The following KCNH8 variants were observed in gnomAD, a reference collection of about 807,000 sequenced individuals.
The protein encoded by KCNH8 is voltage-gated delayed rectifier potassium channel KCNH8.
A neutral mutation model predicts 103.6 loss-of-function variants in KCNH8; 70 were observed. The ratio of observed to expected loss-of-function variants is 0.68; its 90% CI spans 0.56 to 0.82. The LOEUF is 0.82. KCNH8 is among the 40% of genes least tolerant of loss of function. KCNH8 has a pLI of 0.00. For missense variants in KCNH8, 1,217 were observed against 1,329.9 expected, an observed-to-expected ratio of 0.92 and a Z score of 1.32; for synonymous variants, 498 against 489.4, an observed-to-expected ratio of 1.02 and a Z score of -0.23.
At chr3:19,415,265 A>G (rs538280609) in intron 7 of KCNH8, among the ~76,000 whole-genome samples, 3 of 152,090 alleles carry the variant, frequency 2.0e-5, no homozygotes, top group African/African-American at 7.2e-5. Context: ...TATGAGCCCA[A>G]TACTATTATT....
intron 1 of KCNH8, among the ~76,000 whole-genome samples, chr3:19,253,298 CT>C (rs1402042465): frequency 1.3e-5 from 2 of 152,022 alleles, no homozygotes; most frequent in Non-Finnish European, 2.9e-5. Context: ...TCTTGAGTAA[CT>C]TTTTCAAATT....
chr3:19,376,190 C>A (rs979748687), intron 5 of KCNH8, among the ~76,000 whole-genome samples: 30 of 152,332 alleles, frequency 2.0e-4, no homozygotes, highest in African/African-American at 5.3e-4. Context: ...GGGCGCCCCT[C>A]CCCCAGCCTC....
At chr3:19,525,010 G>A (rs533811371) in intron 15 of KCNH8, among the ~76,000 whole-genome samples, 6 of 151,922 alleles carry the variant, frequency 3.9e-5, no homozygotes, top group African/African-American at 1.4e-4. Flanking sequence ...CTTTTGTTTT[G>A]TAGTGACATA....
In KCNH8 at chr3:19,294,520, A is replaced by G. The variant is rs188259134; in HGVS notation, c.442+13191A>G. Among the ~76,000 whole-genome samples the G allele has an allele frequency of 7.9e-5, 12 of 152,338 alleles. No individual in the cohort carries two copies. The East Asian group carries it at 1.4e-3, about 17-fold the overall frequency. ...ATAGATTTCTGCTTCAGGGACATCT[A>G]TACCAACTCTTTGTCAGATATGTGA... On this transcript the variant is annotated intron_variant, in intron 3 of 15. Transcript: ENST00000328405.
At chr3:19,499,546 T>C (rs1433423368) in intron 11 of KCNH8, among the ~76,000 whole-genome samples, 2 of 152,114 alleles carry the variant, frequency 1.3e-5, no homozygotes, top group Non-Finnish European at 2.9e-5. Flanking sequence ...GACAGAAAGG[T>C]CGGGTTACCC....
chr3:19,204,769 G>C (rs1035179067), intron 1 of KCNH8, among the ~76,000 whole-genome samples: 5 of 152,048 alleles, frequency 3.3e-5, no homozygotes, highest in Admixed American at 2.6e-4. Context: ...TCCCCAGTCA[G>C]GGTATGGAAT....
intron 5 of KCNH8, among the ~76,000 whole-genome samples, chr3:19,376,543 A>G (rs1385650567): frequency 6.6e-6 from 1 of 152,176 alleles, no homozygotes; most frequent in Non-Finnish European, 1.5e-5. Flanking sequence ...ATGGAAATGC[A>G]GAAATCACCC....
At chr3:19,385,538 G>A (rs2066345360) in intron 5 of KCNH8, among the ~76,000 whole-genome samples, 1 of 151,968 alleles carries the variant, frequency 6.6e-6, no homozygotes, top group Non-Finnish European at 1.5e-5. Context: ...GTTTCTCACT[G>A]GGCCTACTGC....
intron 1 of KCNH8, among the ~76,000 whole-genome samples, chr3:19,164,485 G>T (rs2063263179): frequency 6.6e-6 from 1 of 152,150 alleles, no homozygotes. Context: ...TGACTTTATG[G>T]ATTGGGAAAC....
intron 1 of KCNH8, among the ~76,000 whole-genome samples, chr3:19,230,294 G>A (rs1385654781): frequency 6.6e-6 from 1 of 152,120 alleles, no homozygotes; most frequent in Non-Finnish European, 1.5e-5. Flanking sequence ...AATAATTCAA[G>A]GTTTCAATAA....
intron 5 of KCNH8, among the ~76,000 whole-genome samples, chr3:19,353,098 A>T (rs1283812149): frequency 6.6e-6 from 1 of 152,216 alleles, no homozygotes; most frequent in East Asian, 1.9e-4. Context: ...AGAGAATACT[A>T]TAAACACCTG....
chr3:19,484,897 G>C (rs2125218107), intron 11 of KCNH8, among the ~76,000 whole-genome samples: 1 of 152,216 alleles, frequency 6.6e-6, no homozygotes, highest in East Asian at 1.9e-4. Context: ...AGTATAGGAG[G>C]AGGCCTATGA....
intron 1 of KCNH8, among the ~76,000 whole-genome samples, chr3:19,194,628 G>A (rs1376675151): frequency 6.6e-6 from 1 of 151,814 alleles, no homozygotes; most frequent in Non-Finnish European, 1.5e-5. Context: ...GGGACTATTA[G>A]AGGGGAAAGA....
chr3:19,404,917 A>G (rs2125142493), intron 7 of KCNH8, among the ~76,000 whole-genome samples: 1 of 152,012 alleles, frequency 6.6e-6, no homozygotes, highest in African/African-American at 2.4e-5. Flanking sequence ...TGTTGACAGT[A>G]TAATTTTACA....
Position 19,447,032 on chromosome 3 carries a change from C to A in KCNH8, c.1376-3074C>A, listed in dbSNP as rs566251421. Among the ~76,000 whole-genome samples the A allele has an allele frequency of 2.6e-5, 4 of 152,062 alleles. No homozygotes were observed. The East Asian group carries it at 7.7e-4, about 29-fold the overall frequency. ...AAAAAAGAGACGCCCACACACTCAGCAGGTCTAACACTCAAGAATTATATA... is the reference window on the plus strand; with the variant it reads ...AAAAAAGAGACGCCCACACACTCAGAAGGTCTAACACTCAAGAATTATATA... On this transcript the variant is annotated intron_variant, in intron 8 of 15. Coordinates refer to ENST00000328405, the MANE Select transcript of KCNH8 (RefSeq NM_144633.3).
intron 11 of KCNH8, among the ~76,000 whole-genome samples, chr3:19,460,742 C>T (rs2067610960): frequency 6.6e-6 from 1 of 152,084 alleles, no homozygotes; most frequent in African/African-American, 2.4e-5. Context: ...TTGTAGTTCC[C>T]ATAATCCCCA....
At chr3:19,528,442 G>A (rs2069103496) in intron 15 of KCNH8, among the ~76,000 whole-genome samples, 1 of 152,032 alleles carries the variant, frequency 6.6e-6, no homozygotes, top group African/African-American at 2.4e-5. Flanking sequence ...AAATCCAGCA[G>A]AAACCTTGGC....
intron 5 of KCNH8, among the ~76,000 whole-genome samples, chr3:19,370,090 T>G (rs1248180326): frequency 6.6e-6 from 1 of 152,102 alleles, no homozygotes; most frequent in Non-Finnish European, 1.5e-5. Context: ...TTCTTCCTCT[T>G]TGCCTTGATA....
intron 1 of KCNH8, among the ~76,000 whole-genome samples, chr3:19,246,259 T>G (rs1458993016): frequency 6.8e-6 from 1 of 146,536 alleles, no homozygotes; most frequent in African/African-American, 2.5e-5. Context: ...TTTAAGAAGT[T>G]TTTTTGTTGT....
Sources: gnomAD v4.1 joint callset for allele counts (sites outside exome capture counted in the v4.1 genomes callset) on GRCh38, gnomAD v4.1.1 for gene constraint, MANE v1.5 for transcripts, NCBI Gene and HGNC (gene_info 2026-07-23, HGNC 2026-07-21) for gene names.